MARCHF1: variants seen among roughly 807,000 people sequenced by gnomAD.
The protein encoded by MARCHF1 is E3 ubiquitin-protein ligase MARCHF1.
MARCHF1 carries 40 observed loss-of-function variants against 54.2 expected under a neutral mutation model. The ratio of observed to expected loss-of-function variants is 0.74; its 90% CI spans 0.57 to 0.96. MARCHF1 has a LOEUF of 0.96. MARCHF1 is among the 40% of genes least tolerant of loss of function. The probability of loss-of-function intolerance (pLI) is 0.00; values close to 1 mark genes in which losing one functional copy is unlikely to be tolerated. For missense variants in MARCHF1, 586 were observed against 656.5 expected, an observed-to-expected ratio of 0.89 and a Z score of 1.17; for synonymous variants, 236 against 236.3, an observed-to-expected ratio of 1.00 and a Z score of 0.01.
chr4:164,079,098 T>C (rs1225426345), intron 2 of MARCHF1, among the ~76,000 whole-genome samples: 1 of 152,184 alleles, frequency 6.6e-6, no homozygotes, highest in Non-Finnish European at 1.5e-5. Flanking sequence ...CTTCTTCCCC[T>C]GTATATTGCT....
chr4:163,926,240 T>G (rs1156607920), intron 3 of MARCHF1, among the ~76,000 whole-genome samples: 2 of 151,754 alleles, frequency 1.3e-5, no homozygotes, highest in Non-Finnish European at 3.0e-5. Flanking sequence ...TTCATATAAA[T>G]GAAATCATAT....
chr4:164,233,837 A>G (rs1732478735), intron 1 of MARCHF1, among the ~76,000 whole-genome samples: 1 of 152,168 alleles, frequency 6.6e-6, no homozygotes, highest in Non-Finnish European at 1.5e-5. Context: ...AGGATATACC[A>G]ATACCACCAT....
At chr4:164,343,746 C>T (rs1052937883) in intron 1 of MARCHF1, among the ~76,000 whole-genome samples, 8 of 151,934 alleles carry the variant, frequency 5.3e-5, no homozygotes, top group African/African-American at 1.5e-4. Flanking sequence ...ATGAGGTTGC[C>T]GAGAAATGGA....
chr4:163,795,158 A>C (rs1747877944), intron 4 of MARCHF1, among the ~76,000 whole-genome samples: 1 of 152,236 alleles, frequency 6.6e-6, no homozygotes, highest in South Asian at 2.1e-4. Context: ...GTCTTTCAAC[A>C]CAAGTTTATA....
chr4:163,932,483 G>A, intron 3 of MARCHF1: 1 of 361,930 alleles, frequency 2.8e-6, no homozygotes, highest in Non-Finnish European at 5.4e-6. Flanking sequence ...TTCACCAGGA[G>A]CAAATTCCAT....
chr4:163,564,876 T>C (rs894325189), intron 8 of MARCHF1, among the ~76,000 whole-genome samples: 5 of 152,002 alleles, frequency 3.3e-5, no homozygotes, highest in African/African-American at 9.7e-5. Context: ...GGAAACACTT[T>C]TTTTTTTTCA....
intron 7 of MARCHF1, among the ~76,000 whole-genome samples, chr4:163,587,306 A>G (rs1355232966): frequency 6.6e-6 from 1 of 152,194 alleles, no homozygotes; most frequent in Non-Finnish European, 1.5e-5. Flanking sequence ...AATCTGTTAA[A>G]TATATACACT....
chr4:164,077,696 C>A (rs986095741), intron 2 of MARCHF1, among the ~76,000 whole-genome samples: 2 of 152,108 alleles, frequency 1.3e-5, no homozygotes, highest in Admixed American at 6.5e-5. Flanking sequence ...AAAAAACAAA[C>A]AATCCCATCA....
intron 8 of MARCHF1, among the ~76,000 whole-genome samples, chr4:163,566,256 TC>T (rs1476078543): frequency 6.6e-6 from 1 of 152,228 alleles, no homozygotes; most frequent in Non-Finnish European, 1.5e-5. Flanking sequence ...TTGGATGTTA[TC>T]AGAGGTGGTC....
chr4:164,122,432 A>G (rs1382101516), intron 1 of MARCHF1, among the ~76,000 whole-genome samples: 1 of 152,078 alleles, frequency 6.6e-6, no homozygotes, highest in Admixed American at 6.6e-5. Flanking sequence ...TGTCAGCCGC[A>G]TGTACAGTAA....
intron 5 of MARCHF1, among the ~76,000 whole-genome samples, chr4:163,671,974 T>C (rs1455439564): frequency 6.6e-6 from 1 of 152,316 alleles, no homozygotes; most frequent in African/African-American, 2.4e-5. Context: ...ATTGTTCAGA[T>C]AAAGAAAAGA....
chr4:163,723,592 T>C (rs1277451766), intron 4 of MARCHF1, among the ~76,000 whole-genome samples: 2 of 152,184 alleles, frequency 1.3e-5, no homozygotes, highest in African/African-American at 2.4e-5. Flanking sequence ...TTGGGGAAGT[T>C]CTCCCAGATA....
chr4:163,824,647 A>C (rs538782012), intron 4 of MARCHF1, among the ~76,000 whole-genome samples: 18 of 85,980 alleles, frequency 2.1e-4, no homozygotes, highest in African/African-American at 5.3e-4. Context: ...AATGGGATCT[A>C]ATTAAACTAA....
chr4:164,029,595 T>C (rs543361211), intron 2 of MARCHF1, among the ~76,000 whole-genome samples: 21 of 152,188 alleles, frequency 1.4e-4, no homozygotes, highest in African/African-American at 4.8e-4. Context: ...TTTTTAACTT[T>C]TTTTCTTTTT....
At chr4:163,764,453 C>T (rs1746919202) in intron 4 of MARCHF1, among the ~76,000 whole-genome samples, 1 of 151,978 alleles carries the variant, frequency 6.6e-6, no homozygotes. Flanking sequence ...TGTAAGGTTG[C>T]TAGATTTGCT....
intron 4 of MARCHF1, among the ~76,000 whole-genome samples, chr4:163,734,718 G>C (rs10471061): frequency 0.024 from 3,725 of 152,130 alleles, 153 homozygotes; most frequent in African/African-American, 0.084. Context: ...GGGCATGGAG[G>C]AAAGTTTCTA....
At chr4:163,870,500 T>C (rs1750145945) in intron 3 of MARCHF1, among the ~76,000 whole-genome samples, 1 of 152,044 alleles carries the variant, frequency 6.6e-6, no homozygotes, top group African/African-American at 2.4e-5. Flanking sequence ...TTAAAATTAA[T>C]ATATATAAAA....
intron 4 of MARCHF1, among the ~76,000 whole-genome samples, chr4:163,770,387 C>T (rs1264687352): frequency 2.6e-5 from 4 of 152,080 alleles, no homozygotes; most frequent in Admixed American, 1.3e-4. Flanking sequence ...ATTGAAGATA[C>T]CCACAGATAC....
chr4:164,145,226 C>T (rs1344578374), intron 1 of MARCHF1, among the ~76,000 whole-genome samples: 4 of 152,224 alleles, frequency 2.6e-5, no homozygotes, highest in African/African-American at 7.2e-5. Context: ...GATTCACAGC[C>T]GAATTTTACC....
Sources: gnomAD v4.1 joint callset for allele counts (sites outside exome capture counted in the v4.1 genomes callset) on GRCh38, gnomAD v4.1.1 for gene constraint, MANE v1.5 for transcripts, NCBI Gene and HGNC (gene_info 2026-07-23, HGNC 2026-07-21) for gene names.